LRRC37A2: variants seen among roughly 807,000 people sequenced by gnomAD.
LRRC37A2 encodes the protein leucine-rich repeat-containing protein 37A2.
Under a neutral mutation model 68.8 loss-of-function variants are expected in LRRC37A2, and 9 were observed. The ratio of observed to expected loss-of-function variants is 0.13; its 90% CI spans 0.08 to 0.23. The LOEUF is 0.23. Among genes scored for constraint, LRRC37A2 ranks in the 10% least tolerant of loss-of-function variants. The pLI, the probability that LRRC37A2 is intolerant of heterozygous loss-of-function variation, is 1.00. For synonymous variants in LRRC37A2, 63 were observed against 367.6 expected, an observed-to-expected ratio of 0.17 and a Z score of 9.48; for missense variants, 168 against 950.4, an observed-to-expected ratio of 0.18 and a Z score of 10.82.
At chr17:46,713,756 G>A in the LRRC37A2 span, 11 of 1,131,088 alleles carry the variant, frequency 9.7e-6, no homozygotes, top group South Asian at 3.0e-5. Context: ...GCAACTAGTC[G>A]AGACCTCAGT....
the LRRC37A2 span, among the ~76,000 whole-genome samples, chr17:46,827,613 G>C: frequency 2.0e-5 from 3 of 152,030 alleles, no homozygotes; most frequent in Non-Finnish European, 4.4e-5. Flanking sequence ...TTCCTTGTTC[G>C]TTAGCCCACT....
chr17:46,887,173 G>T, the LRRC37A2 span, among the ~76,000 whole-genome samples: 1 of 152,166 alleles, frequency 6.6e-6, no homozygotes, highest in Non-Finnish European at 1.5e-5. Context: ...TCAGGATTGG[G>T]CAGGCACTAA....
At chr17:46,542,754 C>T (rs931462033) in intron 8 of LRRC37A2, among the ~76,000 whole-genome samples, 2 of 150,174 alleles carry the variant, frequency 1.3e-5, no homozygotes, top group African/African-American at 5.0e-5. Context: ...CCTGCGGGGC[C>T]CTATTGTGAG....
At chr17:46,940,470 C>T in the LRRC37A2 span, 20 of 1,611,342 alleles carry the variant, frequency 1.2e-5, no homozygotes, top group Admixed American at 1.7e-5. Flanking sequence ...AGCACTGCTG[C>T]GGTGCCAGGG....
the LRRC37A2 span, among the ~76,000 whole-genome samples, chr17:46,894,467 T>G: frequency 6.6e-6 from 1 of 152,196 alleles, no homozygotes; most frequent in Non-Finnish European, 1.5e-5. Flanking sequence ...CTAAGACAGG[T>G]GCCAGGAAAC....
the LRRC37A2 span, chr17:46,998,909 ACT>A: frequency 0.1 from 15,166 of 152,252 alleles, 839 homozygotes; most frequent in South Asian, 0.22. Context: ...CACTTCAGAT[ACT>A]GTCATCATGG....
At chr17:46,766,139 T>C in the LRRC37A2 span, among the ~76,000 whole-genome samples, 1 of 152,178 alleles carries the variant, frequency 6.6e-6, no homozygotes, top group African/African-American at 2.4e-5. Context: ...CCGGGCGCGG[T>C]GGCTCACGCC....
chr17:46,708,822 ATTTT>A, the LRRC37A2 span, among the ~76,000 whole-genome samples: 1 of 108,846 alleles, frequency 9.2e-6, no homozygotes, highest in South Asian at 3.0e-4. Context: ...ATATATATAT[ATTTT>A]TTTTTTTTTT....
the LRRC37A2 span, among the ~76,000 whole-genome samples, chr17:47,005,222 G>A: frequency 6.6e-6 from 1 of 152,200 alleles, no homozygotes. Flanking sequence ...AACTTTTTGT[G>A]TTGAATGCTC....
chr17:46,839,421 C>T, the LRRC37A2 span, among the ~76,000 whole-genome samples: 8 of 152,178 alleles, frequency 5.3e-5, no homozygotes, highest in African/African-American at 1.4e-4. Context: ...ACACTTGCAT[C>T]AGGTTGTATG....
chr17:46,968,843 G>A, the LRRC37A2 span: 1 of 152,218 alleles, frequency 6.6e-6, no homozygotes, highest in Non-Finnish European at 1.5e-5. Flanking sequence ...TCTAATCCTG[G>A]GACCTGTCCA....
the LRRC37A2 span, among the ~76,000 whole-genome samples, chr17:47,045,374 G>T: frequency 1.3e-5 from 2 of 150,448 alleles, no homozygotes. Flanking sequence ...AACTCTTATT[G>T]AGCACTCACT....
At chr17:46,767,388 C>T in the LRRC37A2 span, among the ~76,000 whole-genome samples, 1 of 152,306 alleles carries the variant, frequency 6.6e-6, no homozygotes, top group East Asian at 1.9e-4. Flanking sequence ...TATGCCGCTT[C>T]CCCCCACCCA....
chr17:46,890,378 C>T, the LRRC37A2 span, among the ~76,000 whole-genome samples: 1 of 152,170 alleles, frequency 6.6e-6, no homozygotes, highest in Non-Finnish European at 1.5e-5. Flanking sequence ...CCTGCCAATT[C>T]GATAAGAGGC....
chr17:46,736,056 G>A, the LRRC37A2 span, among the ~76,000 whole-genome samples: 6 of 152,162 alleles, frequency 3.9e-5, no homozygotes, highest in African/African-American at 1.4e-4. Context: ...TAGGAAGTGA[G>A]TTCAGAGCTC....
chr17:46,800,354 G>A, the LRRC37A2 span, among the ~76,000 whole-genome samples: 3 of 151,990 alleles, frequency 2.0e-5, no homozygotes, highest in South Asian at 2.1e-4. Flanking sequence ...CAGGTGATCC[G>A]CCCACCTCGG....
chr17:46,752,684 G>A, the LRRC37A2 span, among the ~76,000 whole-genome samples: 4 of 152,132 alleles, frequency 2.6e-5, no homozygotes, highest in Admixed American at 6.5e-5. Context: ...TTGAACTCCC[G>A]AGCTCAAGTA....
chr17:46,894,972 G>A, the LRRC37A2 span, among the ~76,000 whole-genome samples: 1 of 152,196 alleles, frequency 6.6e-6, no homozygotes, highest in Non-Finnish European at 1.5e-5. Flanking sequence ...GGGACGGGAC[G>A]TGCTCGCCTG....
At chr17:46,875,084 C>G in the LRRC37A2 span, 13 of 1,613,556 alleles carry the variant, frequency 8.1e-6, no homozygotes, top group African/African-American at 1.3e-5. Context: ...CCCTATGCCC[C>G]TGGGTGCCCG....
Sources: gnomAD v4.1 joint callset for allele counts (sites outside exome capture counted in the v4.1 genomes callset) on GRCh38, gnomAD v4.1.1 for gene constraint, MANE v1.5 for transcripts, NCBI Gene and HGNC (gene_info 2026-07-23, HGNC 2026-07-21) for gene names.